The following GRM7 variants were observed in gnomAD, a reference collection of about 807,000 sequenced individuals.
The protein encoded by GRM7 is glutamate metabotropic receptor 7, also known as metabotropic glutamate receptor 7.
A neutral mutation model predicts 84.5 loss-of-function variants in GRM7; 35 were observed. The ratio of observed to expected loss-of-function variants is 0.41; its 90% CI spans 0.32 to 0.55. GRM7 has a LOEUF of 0.55. Ranked by LOEUF, GRM7 falls within the 20% of genes least tolerant of loss-of-function variation. The pLI, the probability that GRM7 is intolerant of heterozygous loss-of-function variation, is 0.19. For missense variants in GRM7, 1,003 were observed against 1,194.6 expected, an observed-to-expected ratio of 0.84 and a Z score of 2.36; for synonymous variants, 487 against 455.1, an observed-to-expected ratio of 1.07 and a Z score of -0.89.
At chr3:7,285,593 G>A (rs1353050217) in intron 2 of GRM7, among the ~76,000 whole-genome samples, 2 of 152,110 alleles carry the variant, frequency 1.3e-5, no homozygotes, top group Non-Finnish European at 2.9e-5. Flanking sequence ...AATGTTGCAT[G>A]TTACAGTGTA....
intron 2 of GRM7, among the ~76,000 whole-genome samples, chr3:7,194,391 G>T (rs1302850578): frequency 6.6e-6 from 1 of 152,088 alleles, no homozygotes; most frequent in African/African-American, 2.4e-5. Flanking sequence ...TGACATACAG[G>T]GGTCATTACT....
intron 8 of GRM7, among the ~76,000 whole-genome samples, chr3:7,673,603 C>T (rs987530625): frequency 1.3e-5 from 2 of 151,438 alleles, no homozygotes; most frequent in Non-Finnish European, 2.9e-5. Flanking sequence ...ATGAATACTA[C>T]AATAAATGTA....
intron 5 of GRM7, among the ~76,000 whole-genome samples, chr3:7,446,030 C>G (rs927653301): frequency 2.0e-5 from 3 of 152,168 alleles, no homozygotes; most frequent in African/African-American, 7.2e-5. Flanking sequence ...CATTCATTTA[C>G]TATTTATTGA....
intron 4 of GRM7, among the ~76,000 whole-genome samples, chr3:7,341,130 A>G (rs533545657): frequency 5.6e-4 from 86 of 152,294 alleles, no homozygotes; most frequent in Middle Eastern, 3.4e-3. Flanking sequence ...AGAGCTTTAG[A>G]GAAGAATCAT....
rs1461359749 is a variant in GRM7 at position 7,703,775 on chromosome 3, T to C, written c.2698+23480T>C. Among the ~76,000 whole-genome samples the C allele has an allele frequency of 2.0e-5, 3 of 152,194 alleles. No homozygotes were observed. In the East Asian group the frequency reaches 5.8e-4, roughly 29 times the overall value. ...AATATACATTTGATACCTGCAGAAA[T>C]GGAGGCTTAGAGAGACTGTGTAAGT... On this transcript the variant is annotated intron_variant, in intron 9 of 9. Transcript: ENST00000357716.
chr3:7,410,839 T>C lies in GRM7; in HGVS notation c.1034-4184T>C, dbSNP rs577322976. On this transcript the variant is annotated intron_variant, in intron 4 of 9. Coordinates refer to ENST00000357716, the MANE Select transcript of GRM7 (RefSeq NM_000844.4). ...ACAGGATTTTTTATTTACTAAGGTG[T>C]ATTCCTTTCCTAAGGATAACATAAA... is the stretch of plus-strand genomic sequence containing the variant. Among the ~76,000 whole-genome samples the C allele has an allele frequency of 2.0e-5, 3 of 152,266 alleles. No homozygotes were observed. The East Asian group carries it at 5.8e-4, about 29-fold the overall frequency.
intron 8 of GRM7, chr3:7,636,309 T>C (rs1214129062): frequency 8.8e-6 from 4 of 456,558 alleles, no homozygotes; most frequent in Non-Finnish European, 1.8e-5. Flanking sequence ...ATGACTGTTC[T>C]TGTTATCCTC....
chr3:6,865,909 G>C (rs1019095186), intron 1 of GRM7, among the ~76,000 whole-genome samples: 2 of 152,124 alleles, frequency 1.3e-5, no homozygotes, highest in Non-Finnish European at 2.9e-5. Context: ...ATTTGGAATA[G>C]TCTCTATAAC....
At chr3:6,992,587 C>T (rs1478600850) in intron 1 of GRM7, among the ~76,000 whole-genome samples, 1 of 152,084 alleles carries the variant, frequency 6.6e-6, no homozygotes, top group Non-Finnish European at 1.5e-5. Flanking sequence ...GTTGATGAGA[C>T]TAGCAATTAA....
chr3:7,193,586 A>G (rs940632507), intron 2 of GRM7, among the ~76,000 whole-genome samples: 2 of 152,082 alleles, frequency 1.3e-5, no homozygotes, highest in East Asian at 1.9e-4. Context: ...ATGCATGAAC[A>G]TCACATCCTT....
At chr3:7,483,506 G>A (rs1575403022) in intron 7 of GRM7, among the ~76,000 whole-genome samples, 2 of 152,188 alleles carry the variant, frequency 1.3e-5, no homozygotes, top group African/African-American at 4.8e-5. Context: ...ACAGTAGAAG[G>A]TGAATAGGAG....
intron 1 of GRM7, among the ~76,000 whole-genome samples, chr3:7,064,479 T>TATATATATATATATATATATATATACAC: frequency 6.9e-4 from 69 of 99,322 alleles, no homozygotes; most frequent in African/African-American, 2.4e-3. Context: ...TATATATATA[T>TATATATATATATATATATATATATACAC]ACACACATAT....
chr3:7,583,000 T>A, intron 8 of GRM7, among the ~76,000 whole-genome samples: 1 of 152,212 alleles, frequency 6.6e-6, no homozygotes, highest in East Asian at 1.9e-4. Context: ...CTGTAAATAT[T>A]TACTTGATTC....
At chr3:7,085,215 G>A (rs1698411770) in intron 1 of GRM7, among the ~76,000 whole-genome samples, 1 of 152,090 alleles carries the variant, frequency 6.6e-6, no homozygotes, top group African/African-American at 2.4e-5. Context: ...ATTTTGAACA[G>A]CCTAGGCTGA....
chr3:7,612,422 T>C (rs1696888466), intron 8 of GRM7, among the ~76,000 whole-genome samples: 1 of 152,160 alleles, frequency 6.6e-6, no homozygotes. Flanking sequence ...AGTCCCTGCC[T>C]TTGAGGAGGA....
At chr3:7,473,992 T>C (rs1698817678) in intron 7 of GRM7, among the ~76,000 whole-genome samples, 1 of 152,308 alleles carries the variant, frequency 6.6e-6, no homozygotes, top group South Asian at 2.1e-4. Context: ...TCTGAGGATA[T>C]GGACCAAGTT....
chr3:7,704,343 T>C (rs1478059719), intron 9 of GRM7, among the ~76,000 whole-genome samples: 3 of 152,168 alleles, frequency 2.0e-5, no homozygotes, highest in Non-Finnish European at 1.5e-5. Flanking sequence ...TATAAAAAAA[T>C]TCCTGGTCAA....
At chr3:7,392,867 C>T (rs575611397) in intron 4 of GRM7, among the ~76,000 whole-genome samples, 2 of 152,196 alleles carry the variant, frequency 1.3e-5, no homozygotes, top group Non-Finnish European at 2.9e-5. Flanking sequence ...AGTCTCACCA[C>T]AGCCTGTTAC....
intron 4 of GRM7, among the ~76,000 whole-genome samples, chr3:7,324,452 A>C (rs1700905430): frequency 6.6e-6 from 1 of 152,202 alleles, no homozygotes; most frequent in Non-Finnish European, 1.5e-5. Flanking sequence ...ACCTCAGCCC[A>C]GTTCTATAAC....
Sources: allele counts gnomAD v4.1 joint callset (sites outside exome capture counted in the v4.1 genomes callset), GRCh38; gene constraint gnomAD v4.1.1; transcripts MANE v1.5; gene names NCBI Gene and HGNC (gene_info 2026-07-23, HGNC 2026-07-21).